Variants in EPCIP observed in about 807,000 individuals in gnomAD.
EPCIP encodes the protein exosomal polycystin 1 interacting protein, also known as exosomal polycystin-1-interacting protein.
At chr21:32,797,102 G>A in the EPCIP span, 3 of 429,580 alleles carry the variant, frequency 7.0e-6, no homozygotes, top group South Asian at 5.3e-5. Flanking sequence ...CTGCCTCCTG[G>A]ACATTAGGAA....
At chr21:32,806,870 AAAAG>A in the EPCIP span, among the ~76,000 whole-genome samples, 1 of 152,212 alleles carries the variant, frequency 6.6e-6, no homozygotes, top group Admixed American at 6.5e-5. Context: ...GGTAATTTAC[AAAAG>A]AAAGAGGTTT....
chr21:32,809,380 C>G, the EPCIP span, among the ~76,000 whole-genome samples: 175 of 140,058 alleles, frequency 1.2e-3, 2 homozygotes, highest in African/African-American at 4.3e-3. Flanking sequence ...CTTTCTCTCT[C>G]TCTTTCTTTC....
At chr21:32,810,414 C>A in the EPCIP span, among the ~76,000 whole-genome samples, 1 of 150,060 alleles carries the variant, frequency 6.7e-6, no homozygotes, top group Non-Finnish European at 1.5e-5. Flanking sequence ...CACCACCATG[C>A]CCGGTAATTT....
chr21:32,798,052 C>T, the EPCIP span: 1 of 152,328 alleles, frequency 6.6e-6, no homozygotes, highest in Middle Eastern at 3.4e-3. Flanking sequence ...TAGCACCAGG[C>T]TGCTGGGTGT....
the EPCIP span, among the ~76,000 whole-genome samples, chr21:32,800,116 T>C: frequency 1.3e-5 from 2 of 152,220 alleles, no homozygotes; most frequent in Non-Finnish European, 2.9e-5. Context: ...AGAACATCAT[T>C]ATTTATGACA....
the EPCIP span, chr21:32,794,128 C>T: frequency 6.2e-6 from 10 of 1,614,186 alleles, no homozygotes; most frequent in Middle Eastern, 3.3e-4. Flanking sequence ...GGTCTTGGAC[C>T]AGCGTGAAGT....
At chr21:32,809,279 CCTTT>C in the EPCIP span, among the ~76,000 whole-genome samples, 4,045 of 79,928 alleles carry the variant, frequency 0.051, 106 homozygotes, top group African/African-American at 0.063. Context: ...CTCCCTCCTT[CCTTT>C]CTTTCTTTCT....
chr21:32,792,916 T>TC, the EPCIP span, among the ~76,000 whole-genome samples: 1 of 55,728 alleles, frequency 1.8e-5, no homozygotes, highest in African/African-American at 5.0e-5. Context: ...ATTATTATTA[T>TC]TTTTTTTTTT....
chr21:32,794,550 ACCCC>A, the EPCIP span: 1 of 875,486 alleles, frequency 1.1e-6, no homozygotes. Flanking sequence ...TGGAAAAGGA[ACCCC>A]AGAAAAAAAC....
chr21:32,794,442 C>T, the EPCIP span: 76 of 1,597,354 alleles, frequency 4.8e-5, 1 homozygote, highest in Admixed American at 6.7e-5. Context: ...CATGGGCCAG[C>T]GTGTTTATCC....
At chr21:32,793,318 C>T in the EPCIP span, among the ~76,000 whole-genome samples, 10 of 152,164 alleles carry the variant, frequency 6.6e-5, no homozygotes, top group Admixed American at 2.6e-4. Flanking sequence ...TAGGGGAATT[C>T]CAAGCAATTT....
chr21:32,793,536 T>G, the EPCIP span: 1 of 596,118 alleles, frequency 1.7e-6, no homozygotes, highest in South Asian at 2.1e-5. Context: ...ATCAAGTTGG[T>G]TTTTTGGTTT....
At chr21:32,796,946 TC>T in the EPCIP span, 1 of 470,812 alleles carries the variant, frequency 2.1e-6, no homozygotes, top group Non-Finnish European at 4.4e-6. Context: ...CAGGTGCTGA[TC>T]CTTTTAGAGG....
At chr21:32,803,657 A>G in the EPCIP span, among the ~76,000 whole-genome samples, 1 of 152,210 alleles carries the variant, frequency 6.6e-6, no homozygotes, top group Non-Finnish European at 1.5e-5. Flanking sequence ...AAACGGAATG[A>G]TATCTTTGTT....
the EPCIP span, among the ~76,000 whole-genome samples, chr21:32,802,843 G>A: frequency 3.3e-5 from 5 of 152,086 alleles, no homozygotes; most frequent in South Asian, 2.1e-4. Flanking sequence ...GTGCAGTGGC[G>A]CGATCTCGGC....
chr21:32,812,503 G>A, the EPCIP span, among the ~76,000 whole-genome samples: 1 of 152,092 alleles, frequency 6.6e-6, no homozygotes, highest in African/African-American at 2.4e-5. Flanking sequence ...CTCTTGAAAA[G>A]CACTCATTTC....
chr21:32,791,126 C>T, the EPCIP span: 1 of 152,224 alleles, frequency 6.6e-6, no homozygotes, highest in East Asian at 1.9e-4. Flanking sequence ...CATTAATCCC[C>T]ATGCCTGCAC....
the EPCIP span, among the ~76,000 whole-genome samples, chr21:32,811,307 T>G: frequency 6.6e-6 from 1 of 152,170 alleles, no homozygotes; most frequent in Non-Finnish European, 1.5e-5. Flanking sequence ...AATTTTTGTA[T>G]TTTTAGTACA....
chr21:32,810,691 A>C, the EPCIP span: 1 of 471,150 alleles, frequency 2.1e-6, no homozygotes, highest in African/African-American at 2.0e-5. Context: ...CTGATGGTGA[A>C]CTGAGATACG....
Sources: gnomAD v4.1 joint callset for allele counts (sites outside exome capture counted in the v4.1 genomes callset) on GRCh38, gnomAD v4.1.1 for gene constraint, MANE v1.5 for transcripts, NCBI Gene and HGNC (gene_info 2026-07-23, HGNC 2026-07-21) for gene names.